IL2RB: variants seen among roughly 807,000 people sequenced by gnomAD.
The protein encoded by IL2RB is interleukin 2 receptor subunit beta, also known as interleukin-2 receptor subunit beta.
In IL2RB, 17 loss-of-function variants were observed where a neutral mutation model predicts 44.2. That is an observed-to-expected ratio of 0.38 (90% CI 0.26 to 0.58). The LOEUF (loss-of-function observed/expected upper bound fraction) is 0.58, where lower values mean the gene tolerates loss of function less well. Ranked by LOEUF, IL2RB falls within the 20% of genes least tolerant of loss-of-function variation. The pLI is 0.63. For missense variants in IL2RB, 624 were observed against 685.5 expected, an observed-to-expected ratio of 0.91 and a Z score of 1.00; for synonymous variants, 286 against 297.9, an observed-to-expected ratio of 0.96 and a Z score of 0.41.
At chr22:37,129,860 A>AAC (rs1312023222) in intron 9 of IL2RB, among the ~76,000 whole-genome samples, 3 of 152,202 alleles carry the variant, frequency 2.0e-5, no homozygotes, top group Non-Finnish European at 4.4e-5. Flanking sequence ...CAGCAGCTGG[A>AAC]CTATGGCCCC....
In IL2RB at chr22:37,143,529, C is replaced by A. The variant is rs150659506; in HGVS notation, c.195G>T (p.Pro65=). The A allele has an allele frequency of 9.3e-6, 15 of 1,609,092 alleles. No homozygotes were observed. Among genetic ancestry groups the A allele is most frequent in the Non-Finnish European group, 1.3e-5 (15 of 1,175,476 alleles). The change falls in exon 3 of 10, where the codon CCG becomes CCT. Residue 65 remains proline, a synonymous_variant. Coordinates refer to ENST00000216223, the MANE Select transcript of IL2RB (RefSeq NM_000878.5). ...GTGGCCAGTGGACTCACCGTCTGTCCGGCCAGGCATGGACTTGGCAGGAAG... is the reference window on the plus strand; with the variant it reads ...GTGGCCAGTGGACTCACCGTCTGTCAGGCCAGGCATGGACTTGGCAGGAAG... ...QDTSCQVHAW[P]DRRRWNQTCE...
In IL2RB at chr22:37,160,679, CAAAA is replaced by C. The variant is rs10605445; in HGVS notation, c.-34+14275_-34+14278del. Among the ~76,000 whole-genome samples the C allele has an allele frequency of 3.7e-3, 502 of 135,970 alleles. 5 individuals carry two copies. Among genetic ancestry groups the C allele is most frequent in the African/African-American group, 9.5e-3 (327 of 34,410 alleles). The allele number at this position is 135,970 out of a possible 152,430, so 89.2% of individuals were successfully genotyped here. On this transcript the variant is annotated intron_variant, in intron 1 of 5. Transcript: ENST00000429622. ...CAACATGCCGAAACCCTGTCTATGC[CAAAA>C]AAAAAAAAAAAAAAATTTAGCCGGG... is the stretch of plus-strand genomic sequence containing the variant.
In IL2RB at chr22:37,126,254, A is replaced by T. The variant is rs1021221335; in HGVS notation, c.*1842T>A. ...ATGGCAGGAGGTGAGACTGTCCAAT[A>T]ATTCAGCTTTTTTCAAGGCATAGAC... On this transcript the variant is annotated 3_prime_UTR_variant, in exon 10 of 10. Coordinates refer to ENST00000216223, the MANE Select transcript of IL2RB (RefSeq NM_000878.5). The T allele has an allele frequency of 2.0e-5, 3 of 152,076 alleles. No individual in the cohort carries two copies. The highest frequency in any genetic ancestry group is 7.2e-5 in the African/African-American group (3 of 41,412). 9.4% of individuals were successfully genotyped at this position (152,076 alleles called of 1,614,324 possible). A position where few individuals can be genotyped will look rare whatever the true frequency, so the allele number is the denominator to read the frequency against.
chr22:37,128,672 G>A lies in IL2RB; in HGVS notation c.1080C>T (p.Thr360=). 6.2e-7 allele frequency: 1 copy of A among 1,614,174 alleles called. No individual in the cohort carries two copies. Among genetic ancestry groups the A allele is most frequent in the Non-Finnish European group, 8.5e-7 (1 of 1,179,990 alleles). Residue 360 remains threonine, a synonymous_variant, in exon 10 of 10, where the codon ACC becomes ACT. Transcript: ENST00000216223. The surrounding 1 kb of genome is among the most constrained non-coding windows in gnomAD (Gnocchi z 4.5). ...SSNHSLTSCF[T]NQGYFFFHLP... ...GGTGGAAGAAGAAGTAACCCTGGTT[G>A]GTGAAGCAGCTGGTCAGCGAGTGGT...
At chr22:37,136,821 C>T (rs915569110) in intron 6 of IL2RB, among the ~76,000 whole-genome samples, 1 of 152,200 alleles carries the variant, frequency 6.6e-6, no homozygotes, top group Admixed American at 6.5e-5. Context: ...CCTCCTGCTC[C>T]CCAGACACAT....
intron 1 of IL2RB, among the ~76,000 whole-genome samples, chr22:37,147,484 G>A (rs2146250441): frequency 6.6e-6 from 1 of 152,338 alleles, no homozygotes; most frequent in South Asian, 2.1e-4. Flanking sequence ...GCTAGGCCTG[G>A]GGCCAAGTGC....
chr22:37,147,385 G>T (rs538917904), intron 1 of IL2RB, among the ~76,000 whole-genome samples: 1 of 152,154 alleles, frequency 6.6e-6, no homozygotes, highest in Non-Finnish European at 1.5e-5. Context: ...CTCCCCAGAC[G>T]CATCTTCCCA....
rs1921234460 is a variant in IL2RB, at chr22:37,128,381, A to G, written c.1371T>C (p.Pro457=). The change falls in exon 10 of 10, where the codon CCT becomes CCC. Residue 457 remains proline, a synonymous_variant. Transcript: ENST00000216223. The surrounding 1 kb of genome is among the most constrained non-coding windows in gnomAD (Gnocchi z 4.5). ...CTCTGGGGACTCTTTCTTGCAAAGA[A>G]GGGGGCATCCTCTCTTCACCGGCCC... The part of the protein sequence containing the change: ...GSGAGEERMP[P]SLQERVPRDW... The G allele has an allele frequency of 6.6e-7, 1 of 1,507,466 alleles. No individual in the cohort carries two copies. The highest frequency in any genetic ancestry group is 1.4e-5 in the African/African-American group (1 of 71,324). 93.4% of individuals were successfully genotyped at this position (1,507,466 alleles called of 1,614,324 possible).
chr22:37,130,954 A>C (rs1384965183), intron 9 of IL2RB, among the ~76,000 whole-genome samples: 1 of 152,194 alleles, frequency 6.6e-6, no homozygotes, highest in Non-Finnish European at 1.5e-5. Flanking sequence ...ATCACCTGAG[A>C]TCAGGAGTTC....
At position 37,141,868 on chromosome 22, in the gene IL2RB, G is replaced by A. The variant is rs541855730; in HGVS notation, c.282+566C>T. Among the ~76,000 whole-genome samples, 2 of 152,320 alleles carry A rather than the reference G, an allele frequency of 1.3e-5. No individual in the cohort carries two copies. The highest frequency in any genetic ancestry group is 1.9e-4 in the East Asian group (1 of 5,178). On this transcript the variant is annotated intron_variant, in intron 4 of 9. Transcript: ENST00000216223. The surrounding 1 kb of genome is among the most constrained non-coding windows in gnomAD (Gnocchi z 4.4). ...GGGCAGAAGGAGGCGGGTCCCTGGT[G>A]AGGTCCCACCTTCAGGCTGGGGAGG... is the stretch of plus-strand genomic sequence containing the variant.
chr22:37,146,969 G>A (rs1023210357), intron 1 of IL2RB, among the ~76,000 whole-genome samples: 5 of 152,166 alleles, frequency 3.3e-5, no homozygotes, highest in East Asian at 1.9e-4. Context: ...AGAGGCCCAC[G>A]CACTGTCAAA....
At position 37,159,306 on chromosome 22, in the gene IL2RB, G is replaced by A. The variant is rs229485; in HGVS notation, c.-33-15101C>T. On this transcript the variant is annotated intron_variant, in intron 1 of 5. Transcript: ENST00000429622. The stretch of plus-strand genomic sequence containing the variant: ...ATGTCCCTCTAAGAAGGTTATGCCT[G>A]GCTGTCACCGTTGCCTGCAAAGTCT... 2.7e-4 allele frequency among the ~76,000 whole-genome samples: 41 copies of A among 152,094 alleles called. 1 individual carries two copies. The highest frequency in any genetic ancestry group is 9.4e-4 in the African/African-American group (39 of 41,474).
intron 5 of IL2RB, among the ~76,000 whole-genome samples, 171 bp from the exon 6 acceptor site, chr22:37,137,906 GAGAGAA>G: frequency 6.6e-6 from 1 of 151,602 alleles, no homozygotes; most frequent in Admixed American, 6.6e-5. Context: ...ATCACCTCTT[GAGAGAA>G]GCCTTCCCTG....
intron 1 of IL2RB, among the ~76,000 whole-genome samples, chr22:37,147,312 T>C (rs1922272457): frequency 1.3e-5 from 2 of 152,204 alleles, no homozygotes; most frequent in Non-Finnish European, 2.9e-5. Flanking sequence ...ATAAGAGGCC[T>C]TTCTGGAATC....
At chr22:37,161,274 A>T (rs11912099) in intron 1 of IL2RB, among the ~76,000 whole-genome samples, 6,419 of 152,252 alleles carry the variant, frequency 0.042, 437 homozygotes, top group African/African-American at 0.15. Context: ...CAGAGGGAGG[A>T]GTGCAGCTGA....
chr22:37,172,245 G>A (rs977365167), intron 1 of IL2RB, among the ~76,000 whole-genome samples: 6 of 150,878 alleles, frequency 4.0e-5, no homozygotes, highest in Admixed American at 3.9e-4. Flanking sequence ...GTGATGTTGG[G>A]GATGGAGGCA....
intron 9 of IL2RB, among the ~76,000 whole-genome samples, chr22:37,130,094 G>A (rs779856127): frequency 6.6e-5 from 10 of 152,158 alleles, no homozygotes; most frequent in Non-Finnish European, 1.2e-4. Context: ...AATTAAATCC[G>A]CCCCCTTTCT....
intron 4 of IL2RB, among the ~76,000 whole-genome samples, chr22:37,140,041 G>A (rs957754127): frequency 1.3e-5 from 2 of 152,224 alleles, no homozygotes; most frequent in South Asian, 2.1e-4. Flanking sequence ...CAACCCTACA[G>A]CCCGGCAGCC....
At chr22:37,158,240 C>G (rs1013122509) in intron 1 of IL2RB, among the ~76,000 whole-genome samples, 7 of 152,136 alleles carry the variant, frequency 4.6e-5, no homozygotes, top group Admixed American at 3.9e-4. Flanking sequence ...TGGAATGCCA[C>G]GTAGCTATGC....
Sources: allele counts gnomAD v4.1 joint callset (sites outside exome capture counted in the v4.1 genomes callset), GRCh38; gene constraint gnomAD v4.1.1; non-coding constraint Gnocchi (gnomAD v3.1); transcripts MANE v1.5; gene names NCBI Gene and HGNC (gene_info 2026-07-23, HGNC 2026-07-21).